Variants in NDUFA12 observed in about 807,000 individuals in gnomAD.
The protein encoded by NDUFA12 is NADH dehydrogenase [ubiquinone] 1 alpha subcomplex subunit 12.
In NDUFA12, 17 loss-of-function variants were observed where a neutral mutation model predicts 20.3. The ratio of observed to expected loss-of-function variants is 0.84; its 90% CI spans 0.57 to 1.26. The LOEUF (loss-of-function observed/expected upper bound fraction) is 1.26. Among genes scored for constraint, NDUFA12 ranks in the 50% most tolerant of loss-of-function variants. NDUFA12 has a pLI of 0.00. For missense variants in NDUFA12, 191 were observed against 183.7 expected (o/e 1.04, Z -0.23); for synonymous variants, 72 against 63.6 (o/e 1.13, Z -0.63).
At chr12:94,987,378 G>C (rs553688359) in intron 3 of NDUFA12, among the ~76,000 whole-genome samples, 10 of 152,214 alleles carry the variant, frequency 6.6e-5, no homozygotes, top group Non-Finnish European at 1.5e-4. Flanking sequence ...TGAAATGTGT[G>C]ATTGGATCTC....
intron 3 of NDUFA12, among the ~76,000 whole-genome samples, chr12:94,977,243 T>C (rs1874088296): frequency 6.6e-6 from 1 of 152,172 alleles, no homozygotes; most frequent in Non-Finnish European, 1.5e-5. Context: ...TCACATATAA[T>C]CCCAGTGCTT....
chr12:94,999,719 A>G (rs1349762542), intron 2 of NDUFA12, among the ~76,000 whole-genome samples: 1 of 152,234 alleles, frequency 6.6e-6, no homozygotes, highest in East Asian at 1.9e-4. Context: ...AAACCTATGA[A>G]AAAAATGCTC....
In NDUFA12 at chr12:94,992,093, T is replaced by G. The variant is rs143160973; in HGVS notation, c.257+2077A>C. Among the ~76,000 whole-genome samples the G allele has an allele frequency of 4.6e-3, 708 of 152,348 alleles. 2 individuals are homozygous for G. Among genetic ancestry groups the G allele is most frequent in the African/African-American group, 0.015 (635 of 41,582 alleles). On this transcript the variant is annotated intron_variant, in intron 3 of 3. Transcript: ENST00000327772. ...GTCACAGCCCACCAGATATACTTAT[T>G]TCTAGTTTTTGGGTGAAATTTTCTA...
intron 3 of NDUFA12, among the ~76,000 whole-genome samples, chr12:94,989,972 C>A (rs949210555): frequency 6.6e-6 from 1 of 152,064 alleles, no homozygotes; most frequent in Admixed American, 6.6e-5. Flanking sequence ...ACCCAAGAAA[C>A]AATCTCTCAG....
intron 3 of NDUFA12, among the ~76,000 whole-genome samples, chr12:94,993,095 G>A (rs1205026859): frequency 2.6e-5 from 4 of 151,680 alleles, no homozygotes; most frequent in East Asian, 1.9e-4. Context: ...ATGGTGGCTC[G>A]TGCTTATAAT....
At chr12:94,992,819 G>A (rs540126579) in intron 3 of NDUFA12, among the ~76,000 whole-genome samples, 19 of 152,078 alleles carry the variant, frequency 1.2e-4, no homozygotes, top group Non-Finnish European at 1.5e-4. Context: ...TTCCAGCTGA[G>A]GCTCCAGACA....
intron 2 of NDUFA12, among the ~76,000 whole-genome samples, chr12:94,998,116 CA>C (rs34861517): frequency 0.39 from 59,493 of 151,866 alleles, 12,225 homozygotes; most frequent in East Asian, 0.58. Context: ...AACAGCATAT[CA>C]AAAAGATAAT....
chr12:94,990,669 G>A lies in NDUFA12; in HGVS notation c.257+3501C>T, dbSNP rs375616226. 5.3e-5 allele frequency among the ~76,000 whole-genome samples: 8 copies of A among 152,176 alleles called. No homozygotes were observed. In the East Asian group the frequency reaches 7.7e-4, roughly 15 times the overall value. ...TGGTCTCAAACTTCTGGCCTCAAGC[G>A]AGCCTCATGCCTCAGCCTTCCAAAG... On this transcript the variant is annotated intron_variant, in intron 3 of 3. Transcript: ENST00000327772.
chr12:95,002,425 G>GAGCC, intron 2 of NDUFA12, among the ~76,000 whole-genome samples: 1 of 1,890 alleles, frequency 5.3e-4, no homozygotes, highest in East Asian at 0.014. Context: ...CTGGCCGACA[G>GAGCC]AGACTCCATC....
Position 94,971,629 on chromosome 12 carries a change from G to T in NDUFA12, c.258-9C>A. ...TGTGAAGCCAACGATGCCTTAAAGA[G>T]GGGAAAAAACCCAAACAGTTATGAA... On this transcript the variant is annotated splice_polypyrimidine_tract_variant and intron_variant, in intron 3 of 3. Transcript: ENST00000327772. 1 of 1,613,952 alleles carries T rather than the reference G, an allele frequency of 6.2e-7. No homozygotes were observed. The highest frequency in any genetic ancestry group is 8.5e-7 in the Non-Finnish European group (1 of 1,180,000).
chr12:94,977,841 G>A (rs1040717262), intron 3 of NDUFA12, among the ~76,000 whole-genome samples: 3 of 152,174 alleles, frequency 2.0e-5, no homozygotes, highest in Non-Finnish European at 4.4e-5. Flanking sequence ...AGCAGAGGTA[G>A]TTAAGTGCCA....
rs71075895 is a variant in NDUFA12 at position 95,002,437 on chromosome 12, CAAAAAAAAAA to C, written c.169+292_169+301del. 1.6e-3 allele frequency among the ~76,000 whole-genome samples: 100 copies of C among 63,624 alleles called. 3 individuals carry two copies. The highest frequency in any genetic ancestry group is 6.5e-3 in the African/African-American group (94 of 14,404). 41.7% of individuals were successfully genotyped at this position (63,624 alleles called of 152,430 possible). A position where few individuals can be genotyped will look rare whatever the true frequency, so the allele number is the denominator to read the frequency against. ...AGCCTGGCCGACAGAGACTCCATCT[CAAAAAAAAAA>C]AAAAAAAAAAAAAAAAAGAACAAAA... On this transcript the variant is annotated intron_variant, in intron 2 of 3. Transcript: ENST00000327772.
chr12:94,991,924 T>C (rs576004626), intron 3 of NDUFA12, among the ~76,000 whole-genome samples: 57 of 152,304 alleles, frequency 3.7e-4, no homozygotes, highest in African/African-American at 1.3e-3. Context: ...TATTGTTTCA[T>C]AGCTGCACTT....
chr12:94,982,092 T>C (rs1874259668), intron 3 of NDUFA12, among the ~76,000 whole-genome samples: 1 of 152,146 alleles, frequency 6.6e-6, no homozygotes, highest in Non-Finnish European at 1.5e-5. Flanking sequence ...ATTATGCAGC[T>C]ACTGAACAGA....
At chr12:94,986,961 G>C (rs1305664889) in intron 3 of NDUFA12, among the ~76,000 whole-genome samples, 1 of 152,134 alleles carries the variant, frequency 6.6e-6, no homozygotes, top group African/African-American at 2.4e-5. Context: ...AGTTGATACA[G>C]ATACAAATAA....
rs192716925 is a variant in NDUFA12 at position 94,989,846 on chromosome 12, C to T, written c.257+4324G>A. The stretch of plus-strand genomic sequence containing the variant: ...TAATTGAAATCACACCCCTACCCCT[C>T]ATCTCCCAAAATGTGGCCCCTGAGC... On this transcript the variant is annotated intron_variant, in intron 3 of 3. Coordinates refer to ENST00000327772, the MANE Select transcript of NDUFA12 (RefSeq NM_018838.5). Among the ~76,000 whole-genome samples, 526 of 152,310 alleles carry T rather than the reference C, an allele frequency of 3.5e-3. 5 individuals are homozygous for T. Among genetic ancestry groups the T allele is most frequent in the African/African-American group, 0.012 (501 of 41,564 alleles).
chr12:94,991,831 T>C (rs1017247030), intron 3 of NDUFA12, among the ~76,000 whole-genome samples: 5 of 152,174 alleles, frequency 3.3e-5, no homozygotes, highest in African/African-American at 4.8e-5. Flanking sequence ...TCTCACCTGA[T>C]GGAACTGCAG....
At chr12:94,988,889 G>A (rs1049279097) in intron 3 of NDUFA12, among the ~76,000 whole-genome samples, 4 of 152,242 alleles carry the variant, frequency 2.6e-5, no homozygotes, top group East Asian at 1.9e-4. Context: ...CTCAGGGTTC[G>A]AGCCGATACA....
intron 3 of NDUFA12, among the ~76,000 whole-genome samples, chr12:94,973,074 G>A (rs1873944525): frequency 1.3e-5 from 2 of 152,016 alleles, no homozygotes. Flanking sequence ...ACAAGAGGAG[G>A]ATGTTTCAGT....
Sources: allele counts gnomAD v4.1 joint callset (sites outside exome capture counted in the v4.1 genomes callset), GRCh38; gene constraint gnomAD v4.1.1; transcripts MANE v1.5; gene names NCBI Gene and HGNC (gene_info 2026-07-23, HGNC 2026-07-21).